The following TAF1A variants were observed in gnomAD, a reference collection of about 807,000 sequenced individuals.
TAF1A encodes the protein TATA-box binding protein associated factor, RNA polymerase I subunit A, also known as TATA box-binding protein-associated factor RNA polymerase I subunit A.
Under a neutral mutation model 61.6 loss-of-function variants are expected in TAF1A, and 42 were observed. That is an observed-to-expected ratio of 0.68 (90% confidence interval 0.53 to 0.88). The LOEUF (loss-of-function observed/expected upper bound fraction) is 0.88, where lower values mean the gene tolerates loss of function less well. Among genes scored for constraint, TAF1A ranks in the 40% least tolerant of loss-of-function variants. TAF1A has a pLI of 0.00. For missense variants in TAF1A, 424 were observed against 518.7 expected, an observed-to-expected ratio of 0.82 and a Z score of 1.77; for synonymous variants, 179 against 177.7, an observed-to-expected ratio of 1.01 and a Z score of -0.06.
downstream of TAF1A, among the ~76,000 whole-genome samples, chr1:222,556,684 A>G (rs1039798738): frequency 6.6e-6 from 1 of 152,256 alleles, no homozygotes; most frequent in African/African-American, 2.4e-5. Flanking sequence ...AACATTTGAT[A>G]AGAACATTTG....
intron 5 of TAF1A, among the ~76,000 whole-genome samples, chr1:222,575,867 C>T (rs556323775): frequency 1.3e-5 from 2 of 152,112 alleles, no homozygotes; most frequent in African/African-American, 4.8e-5. Context: ...ATGCGATGTT[C>T]CAACAGCTTT....
chr1:222,585,981 T>C (rs1660999683), intron 2 of TAF1A, among the ~76,000 whole-genome samples: 1 of 152,188 alleles, frequency 6.6e-6, no homozygotes, highest in Non-Finnish European at 1.5e-5. Context: ...AGATGATTCC[T>C]TAAAACTATG....
chr1:222,578,125 ATATCT>A, intron 4 of TAF1A, among the ~76,000 whole-genome samples: 1 of 152,220 alleles, frequency 6.6e-6, no homozygotes, highest in Non-Finnish European at 1.5e-5. Flanking sequence ...CTTAGAGAAA[ATATCT>A]TAATAAGGGA....
chr1:222,554,588 CCTAT>C (rs758392375), downstream of TAF1A, among the ~76,000 whole-genome samples: 16 of 150,580 alleles, frequency 1.1e-4, no homozygotes, highest in South Asian at 2.1e-4. Flanking sequence ...AAAGGGCACA[CCTAT>C]CTGTTTTTTT....
In TAF1A at chr1:222,582,247, T is replaced by C. The variant is rs77276068; in HGVS notation, c.291+1881A>G. ...GAAGTGAGCACATCACATAGGAATTTATAGGCAATTATGACTTTGGCTTTT... is the reference window on the plus strand; with the variant it reads ...GAAGTGAGCACATCACATAGGAATTCATAGGCAATTATGACTTTGGCTTTT... On this transcript the variant is annotated intron_variant, in intron 3 of 10. Transcript: ENST00000352967. Among the ~76,000 whole-genome samples, 24 of 152,340 alleles carry C rather than the reference T, an allele frequency of 1.6e-4. No homozygotes were observed. The East Asian group carries it at 3.5e-3, about 22-fold the overall frequency.
At chr1:222,573,306 T>G (rs919475422) in intron 5 of TAF1A, among the ~76,000 whole-genome samples, 1 of 151,934 alleles carries the variant, frequency 6.6e-6, no homozygotes, top group African/African-American at 2.4e-5. Flanking sequence ...AAAAAGATAG[T>G]GAAAACACAC....
At chr1:222,586,515 T>C (rs972518512) in intron 2 of TAF1A, among the ~76,000 whole-genome samples, 1 of 152,170 alleles carries the variant, frequency 6.6e-6, no homozygotes, top group Non-Finnish European at 1.5e-5. Context: ...TCTTACTTGA[T>C]CCTGATGACT....
intron 10 of TAF1A, 60 bp from the exon 11 acceptor site, chr1:222,558,832 T>C: frequency 2.5e-6 from 2 of 803,986 alleles, no homozygotes; most frequent in Non-Finnish European, 3.7e-6. Flanking sequence ...AGTATATTTC[T>C]ACATTTTAAA....
chr1:222,583,730 C>A (rs1297973215), intron 3 of TAF1A, among the ~76,000 whole-genome samples: 2 of 151,114 alleles, frequency 1.3e-5, no homozygotes, highest in East Asian at 3.9e-4. Flanking sequence ...CCCAGCTACT[C>A]AGGAGGCTGA....
intron 10 of TAF1A, among the ~76,000 whole-genome samples, chr1:222,559,057 T>A (rs1302136492): frequency 1.3e-5 from 2 of 152,220 alleles, no homozygotes; most frequent in Non-Finnish European, 2.9e-5. Flanking sequence ...TAATCCACCA[T>A]AATTAAAGCA....
At chr1:222,557,089 CT>C (rs148936839), downstream of TAF1A, among the ~76,000 whole-genome samples, 14,841 of 152,266 alleles carry the variant, frequency 0.097, 869 homozygotes, top group South Asian at 0.17. Context: ...AATTTGCCCC[CT>C]AACCTTCTTG....
chr1:222,563,145 C>A, intron 9 of TAF1A, 28 bp downstream of exon 9: 1 of 1,536,264 alleles, frequency 6.5e-7, no homozygotes, highest in South Asian at 1.2e-5. Flanking sequence ...TTATGATGAC[C>A]TAGTAATAAA....
chr1:222,577,385 C>T (rs975166666), intron 5 of TAF1A, 60 bp downstream of exon 5: 4 of 1,406,438 alleles, frequency 2.8e-6, no homozygotes, highest in Admixed American at 3.5e-5. Context: ...TAGATTACTC[C>T]TTAAGATCCC....
intron 8 of TAF1A, among the ~76,000 whole-genome samples, 196 bp downstream of exon 8, chr1:222,563,863 G>T (rs1310213327): frequency 6.6e-6 from 1 of 152,064 alleles, no homozygotes; most frequent in Admixed American, 6.6e-5. Context: ...AAGGCATACA[G>T]TCTCTGTCAC....
chr1:222,572,680 G>T (rs1660408635), intron 5 of TAF1A, among the ~76,000 whole-genome samples: 1 of 152,136 alleles, frequency 6.6e-6, no homozygotes, highest in Non-Finnish European at 1.5e-5. Flanking sequence ...TTCAGTAAGG[G>T]TGCCAAGACA....
Position 222,561,469 on chromosome 1 carries a change from A to G in TAF1A, c.1135T>C (p.Trp379Arg). Reference protein sequence around the residue: ...QEEWNSRKNWWPGFHFSYFWA... With the variant: ...QEEWNSRKNWRPGFHFSYFWA... ...AAGTAGCTGAAATGAAAGCCTGGCC[A>G]CCAGTTTTTCCTGGAGTTCCACTCT... The change falls in exon 10 of 11, where the codon TGG (tryptophan) becomes CGG (arginine). Residue 379 changes from tryptophan to arginine, a missense_variant. Transcript: ENST00000352967. 1.2e-6 allele frequency: 2 copies of G among 1,612,948 alleles called. No homozygotes were observed. The highest frequency in any genetic ancestry group is 2.2e-5 in the South Asian group (2 of 90,788).
At chr1:222,572,712 C>A (rs1255308622) in intron 5 of TAF1A, among the ~76,000 whole-genome samples, 1 of 152,096 alleles carries the variant, frequency 6.6e-6, no homozygotes, top group African/African-American at 2.4e-5. Flanking sequence ...AAATAATAGA[C>A]TTTTCAATAA....
chr1:222,574,901 G>T (rs1660504153), intron 5 of TAF1A, among the ~76,000 whole-genome samples: 4 of 152,106 alleles, frequency 2.6e-5, no homozygotes, highest in Admixed American at 2.6e-4. Flanking sequence ...CAGTCAGGAA[G>T]GCACACAGGG....
At chr1:222,559,218 G>A (rs143757037) in intron 10 of TAF1A, among the ~76,000 whole-genome samples, 2 of 152,290 alleles carry the variant, frequency 1.3e-5, no homozygotes, top group African/African-American at 4.8e-5. Context: ...CCAAAGTTAC[G>A]TTCATAACAG....
Sources: allele counts gnomAD v4.1 joint callset (sites outside exome capture counted in the v4.1 genomes callset), GRCh38; gene constraint gnomAD v4.1.1; transcripts MANE v1.5; gene names NCBI Gene and HGNC (gene_info 2026-07-23, HGNC 2026-07-21).